NUP160: variants seen among roughly 807,000 people sequenced by gnomAD.
NUP160 encodes nuclear pore complex protein Nup160.
In NUP160, 94 loss-of-function variants were observed where a neutral mutation model predicts 196.9. The ratio of observed to expected loss-of-function variants is 0.48; its 90% CI spans 0.40 to 0.57. The LOEUF (loss-of-function observed/expected upper bound fraction) is 0.57, where lower values mean the gene tolerates loss of function less well. Among genes scored for constraint, NUP160 ranks in the 20% least tolerant of loss-of-function variants. NUP160 has a pLI of 0.00. For missense variants in NUP160, 1,638 were observed against 1,748.3 expected (o/e 0.94, Z 1.13); for synonymous variants, 605 against 619.7 (o/e 0.98, Z 0.35).
At chr11:47,815,566 G>T in exon 13 of NUP160, 1 of 1,613,272 alleles carries the variant, frequency 6.2e-7, no homozygotes. Flanking sequence ...GAAGACAACA[G>T]GCATAGAACT....
chr11:47,815,305 G>GAATC (rs1555003290), intron 13 of NUP160, 174 bp downstream of exon 13: 1 of 429,486 alleles, frequency 2.3e-6, no homozygotes, highest in African/African-American at 2.0e-5. Flanking sequence ...TTAAATGAAT[G>GAATC]AATCACAATT....
At chr11:47,815,837 T>A in intron 12 of NUP160, 109 bp downstream of exon 12, 1 of 1,008,660 alleles carries the variant, frequency 9.9e-7, no homozygotes, top group Non-Finnish European at 1.5e-6. Flanking sequence ...CATTTATATG[T>A]TCCAACAAAC....
exon 14 of NUP160, chr11:47,813,356 A>G (rs373118387): frequency 6.2e-7 from 1 of 1,611,680 alleles, no homozygotes; most frequent in Non-Finnish European, 8.5e-7. Context: ...AAAGGTTCTC[A>G]TAAGGCAGGA....
At chr11:47,823,331 T>C (rs1040725674) in intron 7 of NUP160, among the ~76,000 whole-genome samples, 3 of 152,162 alleles carry the variant, frequency 2.0e-5, no homozygotes, top group Non-Finnish European at 4.4e-5. Flanking sequence ...TAAAACTCTA[T>C]ACTCAATAAA....
intron 34 of NUP160, among the ~76,000 whole-genome samples, chr11:47,781,658 G>C (rs1041581616): frequency 6.6e-6 from 1 of 152,064 alleles, no homozygotes; most frequent in Non-Finnish European, 1.5e-5. Flanking sequence ...GATAACCTCT[G>C]AGCCTGTTCC....
At chr11:47,841,740 T>TGC (rs1308237298) in intron 2 of NUP160, 1 of 222,440 alleles carries the variant, frequency 4.5e-6, no homozygotes, top group Non-Finnish European at 8.9e-6. Flanking sequence ...CAGGCTGGGG[T>TGC]GCAGTGGTGC....
chr11:47,843,107 C>G (rs1206334281), intron 2 of NUP160, among the ~76,000 whole-genome samples: 1 of 152,152 alleles, frequency 6.6e-6, no homozygotes, highest in Non-Finnish European at 1.5e-5. Context: ...CTAGGTCATT[C>G]CCAACTGCAC....
intron 17 of NUP160, among the ~76,000 whole-genome samples, chr11:47,810,879 T>C (rs1348003786): frequency 6.6e-6 from 1 of 152,128 alleles, no homozygotes; most frequent in Non-Finnish European, 1.5e-5. Context: ...AATGTATAAG[T>C]ACATTTATAC....
At chr11:47,847,888 C>T in exon 2 of NUP160, 1 of 1,614,032 alleles carries the variant, frequency 6.2e-7, no homozygotes, top group Non-Finnish European at 8.5e-7. Context: ...AACAACTTGC[C>T]ACTCTCCACG....
rs369156455 is a variant in NUP160, at chr11:47,792,817, G to A, written c.3419C>T (p.Ala1140Val). The A allele has an allele frequency of 2.5e-5, 41 of 1,613,694 alleles. No individual in the cohort carries two copies. The highest frequency in any genetic ancestry group is 3.1e-5 in the Non-Finnish European group (36 of 1,179,912). ...ACCAGACACTGGCTGCACAATCCAC[G>A]CATATTCTGGACGAATAAGTCGTAA... is the stretch of plus-strand genomic sequence containing the variant. The change falls in exon 28 of 36, where the codon GCG becomes GTG. Residue 1140 changes from alanine to valine, a missense_variant. By Grantham distance (64) the Ala-to-Val change is moderately conservative. Transcript: ENST00000378460.
intron 7 of NUP160, among the ~76,000 whole-genome samples, chr11:47,826,232 C>T (rs887135141): frequency 1.8e-4 from 27 of 152,104 alleles, no homozygotes; most frequent in African/African-American, 2.4e-5. Flanking sequence ...GCATCAGCCC[C>T]GAGTAGCCGG....
At chr11:47,813,802 T>G (rs1213424083) in intron 13 of NUP160, among the ~76,000 whole-genome samples, 4 of 151,786 alleles carry the variant, frequency 2.6e-5, no homozygotes, top group African/African-American at 9.7e-5. Flanking sequence ...CCGGGCGCAG[T>G]GGCTCACGCC....
At chr11:47,845,996 C>T (rs942318432) in intron 2 of NUP160, among the ~76,000 whole-genome samples, 2 of 152,032 alleles carry the variant, frequency 1.3e-5, no homozygotes, top group African/African-American at 4.8e-5. Flanking sequence ...ATTAGCTGGG[C>T]ATGGTGGTGC....
chr11:47,845,820 G>A (rs1852390013), intron 2 of NUP160, among the ~76,000 whole-genome samples: 1 of 152,072 alleles, frequency 6.6e-6, no homozygotes, highest in South Asian at 2.1e-4. Flanking sequence ...AAAGGCACAC[G>A]CTACTCCGCC....
intron 20 of NUP160, among the ~76,000 whole-genome samples, chr11:47,805,447 C>CTTT (rs34487443): frequency 0.54 from 71,368 of 133,000 alleles, 19,595 homozygotes; most frequent in Admixed American, 0.61. Flanking sequence ...TGAATAATGT[C>CTTT]TTTTTTTTTT....
Position 47,831,778 on chromosome 11 carries a change from G to C in NUP160, c.1101+3873C>G, listed in dbSNP as rs555399688. Among the ~76,000 whole-genome samples, 9 of 145,670 alleles carry C rather than the reference G, an allele frequency of 6.2e-5. No individual in the cohort carries two copies. The East Asian group carries it at 1.7e-3, about 27-fold the overall frequency. On this transcript the variant is annotated intron_variant, in intron 7 of 35. Transcript: ENST00000378460. Reference sequence around the variant, plus strand: ...GAACTGCTTGAACCTGGGAGGCAGAGGTTGCAGTGAGCTGAGATCGCGCCA... The same window carrying C: ...GAACTGCTTGAACCTGGGAGGCAGACGTTGCAGTGAGCTGAGATCGCGCCA...
In NUP160 at chr11:47,840,078, T is replaced by G; in HGVS notation, c.526-13A>C. 2 of 1,583,108 alleles carry G rather than the reference T, an allele frequency of 1.3e-6. No individual in the cohort carries two copies. The highest frequency in any genetic ancestry group is 1.7e-6 in the Non-Finnish European group (2 of 1,153,316). Reference sequence around the variant, plus strand: ...CAACTACCAACTCCTGTTGAGTAATTAAAAAGAAAAATCTATTAAATCAAA... The same window carrying G: ...CAACTACCAACTCCTGTTGAGTAATGAAAAAGAAAAATCTATTAAATCAAA... On this transcript the variant is annotated splice_polypyrimidine_tract_variant and intron_variant, in intron 3 of 35. Transcript: ENST00000378460.
Position 47,840,056 on chromosome 11 carries a change from CTACCAACTCCTG to C in NUP160, c.526-3_534del, listed in dbSNP as rs1565210302. ...AATATTGACTGCATCTGACTGTCAACTACCAACTCCTGTTGAGTAATTAAAAAGAAAAATCTA... is the reference window on the plus strand; with the variant it reads ...AATATTGACTGCATCTGACTGTCAACTTGAGTAATTAAAAAGAAAAATCTA... On this transcript the variant is annotated splice_acceptor_variant and splice_polypyrimidine_tract_variant and coding_sequence_variant and intron_variant, in exon 4 of 36. Coordinates refer to ENST00000378460, the Ensembl canonical transcript of NUP160. LOFTEE classifies it high-confidence loss of function. The C allele has an allele frequency of 3.7e-6, 6 of 1,608,974 alleles. No homozygotes were observed. Among genetic ancestry groups the C allele is most frequent in the Non-Finnish European group, 5.1e-6 (6 of 1,175,316 alleles).
At chr11:47,819,571 G>A in intron 9 of NUP160, 113 bp from the exon 10 acceptor site, 1 of 581,594 alleles carries the variant, frequency 1.7e-6, no homozygotes, top group Non-Finnish European at 3.1e-6. Context: ...GGCAATGACT[G>A]CTTCATCAAT....
Sources: allele counts gnomAD v4.1 joint callset (sites outside exome capture counted in the v4.1 genomes callset), GRCh38; gene constraint gnomAD v4.1.1; transcripts MANE v1.5; gene names NCBI Gene and HGNC (gene_info 2026-07-23, HGNC 2026-07-21).